The following ARIH1 variants were observed in gnomAD, a reference collection of about 807,000 sequenced individuals.
ARIH1 encodes E3 ubiquitin-protein ligase ARIH1.
A neutral mutation model predicts 85.0 loss-of-function variants in ARIH1; 8 were observed. That is an observed-to-expected ratio of 0.09 (90% CI 0.06 to 0.17). The LOEUF (loss-of-function observed/expected upper bound fraction) is 0.17. Ranked by LOEUF, ARIH1 falls within the 10% of genes least tolerant of loss-of-function variation. The pLI, the probability that ARIH1 is intolerant of heterozygous loss-of-function variation, is 1.00. For missense variants in ARIH1, 311 were observed against 718.1 expected (o/e 0.43, Z 6.48); for synonymous variants, 238 against 253.6 (o/e 0.94, Z 0.59).
intron 3 of ARIH1, among the ~76,000 whole-genome samples, chr15:72,551,826 CAA>C: frequency 6.6e-6 from 1 of 152,156 alleles, no homozygotes; most frequent in Middle Eastern, 3.4e-3. Context: ...CAAAATATAT[CAA>C]GAGAGTATAC....
At chr15:72,511,772 T>G (rs1417974904) in intron 1 of ARIH1, among the ~76,000 whole-genome samples, 1 of 152,190 alleles carries the variant, frequency 6.6e-6, no homozygotes, top group East Asian at 1.9e-4. Flanking sequence ...ATATTGTATT[T>G]GTAAGACTCC....
rs1271721912 is a variant in ARIH1, at chr15:72,597,043, T to G, written c.*13751T>G. 2 of 152,126 alleles carry G rather than the reference T, an allele frequency of 1.3e-5. No individual in the cohort carries two copies. Among genetic ancestry groups the G allele is most frequent in the Non-Finnish European group, 2.9e-5 (2 of 68,026 alleles). The allele number at this position is 152,126 out of a possible 1,614,324, so 9.4% of individuals were successfully genotyped here. A position where few individuals can be genotyped will look rare whatever the true frequency, so the allele number is the denominator to read the frequency against. ...GCTTCTATTGAGCCCTTCCTCTCCC[T>G]TACCATGAATCTTATTTTCTTGCTT... On this transcript the variant is annotated 3_prime_UTR_variant, in exon 14 of 14. Transcript: ENST00000379887.
chr15:72,524,447 C>G (rs146658231), intron 2 of ARIH1, among the ~76,000 whole-genome samples: 1 of 151,934 alleles, frequency 6.6e-6, no homozygotes, highest in Non-Finnish European at 1.5e-5. Context: ...ACTCTGACCT[C>G]AAGTGATCCG....
intron 1 of ARIH1, chr15:72,496,961 C>A: frequency 2.1e-6 from 1 of 479,308 alleles, no homozygotes. Context: ...AAGGGCACAT[C>A]ATTTATCCTA....
Position 72,582,050 on chromosome 15 carries a change from A to G in ARIH1, c.1477-25A>G, listed in dbSNP as rs1595875884. The G allele has an allele frequency of 6.5e-7, 1 of 1,544,350 alleles. No individual in the cohort carries two copies. The highest frequency in any genetic ancestry group is 8.9e-7 in the Non-Finnish European group (1 of 1,124,286). ...ATCTTTTAGCTTTATTTTGAAGCCA[A>G]AATTTACTTTCATTCTTCTTACAGA... is the stretch of plus-strand genomic sequence containing the variant. On this transcript the variant is annotated intron_variant, in intron 12 of 13. Transcript: ENST00000379887. This position sits in a 1 kb window ranked among gnomAD's most constrained non-coding sequence, Gnocchi z 4.6.
Position 72,590,891 on chromosome 15 carries a change from G to A in ARIH1, c.*7599G>A, listed in dbSNP as rs928924937. 5.9e-5 allele frequency: 9 copies of A among 152,154 alleles called. No homozygotes were observed. The highest frequency in any genetic ancestry group is 6.5e-5 in the Admixed American group (1 of 15,274). The allele number at this position is 152,154 out of a possible 1,614,324, so 9.4% of individuals were successfully genotyped here. A position where few individuals can be genotyped will look rare whatever the true frequency, so the allele number is the denominator to read the frequency against. On this transcript the variant is annotated 3_prime_UTR_variant, in exon 14 of 14. Coordinates refer to ENST00000379887, the MANE Select transcript of ARIH1 (RefSeq NM_005744.5). Reference sequence around the variant, plus strand: ...CTGCCTTTAGCCATGGAGTATTCAAGTTTCTTTCAGAATGAGAATTTGGAG... The same window carrying A: ...CTGCCTTTAGCCATGGAGTATTCAAATTTCTTTCAGAATGAGAATTTGGAG...
chr15:72,549,150 T>C (rs1465427658), intron 3 of ARIH1, among the ~76,000 whole-genome samples: 2 of 150,702 alleles, frequency 1.3e-5, no homozygotes, highest in African/African-American at 4.9e-5. Flanking sequence ...TGCAGTGGCA[T>C]GTTCTCGGCT....
intron 11 of ARIH1, among the ~76,000 whole-genome samples, chr15:72,576,641 A>G (rs2064272725): frequency 6.6e-6 from 1 of 151,970 alleles, no homozygotes; most frequent in Non-Finnish European, 1.5e-5. Context: ...GATTTATGGT[A>G]TAATGGTAGA....
At chr15:72,517,429 ATTTTTTTTTTTTTGAGTCAGAG>A (rs973177526) in intron 1 of ARIH1, among the ~76,000 whole-genome samples, 1 of 146,526 alleles carries the variant, frequency 6.8e-6, no homozygotes, top group Non-Finnish European at 1.5e-5. Context: ...TTTAAAACAA[ATTTTTTTTTTTTTGAGTCAGAG>A]TCTTGCCCTG....
intron 3 of ARIH1, among the ~76,000 whole-genome samples, chr15:72,547,797 C>G (rs891769237): frequency 2.0e-5 from 3 of 152,160 alleles, no homozygotes; most frequent in African/African-American, 7.2e-5. Context: ...TTCCTTACTT[C>G]TTGGCGTTTT....
At chr15:72,574,385 A>G (rs1010792951) in intron 11 of ARIH1, among the ~76,000 whole-genome samples, 2 of 152,244 alleles carry the variant, frequency 1.3e-5, no homozygotes. Flanking sequence ...GGATCACACC[A>G]TTGCATGCCT....
intron 10 of ARIH1, 21 bp downstream of exon 10, chr15:72,570,328 G>A (rs200821865): frequency 2.2e-5 from 35 of 1,613,396 alleles, no homozygotes; most frequent in Non-Finnish European, 3.0e-5. Flanking sequence ...GAAATTAAGG[G>A]AAGAATGTGT....
At chr15:72,519,879 G>GT (rs2140412034) in intron 2 of ARIH1, among the ~76,000 whole-genome samples, 1 of 152,162 alleles carries the variant, frequency 6.6e-6, no homozygotes, top group Non-Finnish European at 1.5e-5. Flanking sequence ...AGGAGAAAGA[G>GT]TTTTTATCGT....
intron 2 of ARIH1, among the ~76,000 whole-genome samples, chr15:72,522,009 G>A (rs1329278919): frequency 6.6e-6 from 1 of 151,994 alleles, no homozygotes; most frequent in African/African-American, 2.4e-5. Context: ...CTGCTTTATA[G>A]TCGTATTGAA....
At position 72,572,181 on chromosome 15, in the gene ARIH1, A is replaced by T; in HGVS notation, c.1215+16A>T. 1 of 1,563,084 alleles carries T rather than the reference A, an allele frequency of 6.4e-7. No individual in the cohort carries two copies. On this transcript the variant is annotated intron_variant, in intron 11 of 13. Coordinates refer to ENST00000379887, the MANE Select transcript of ARIH1 (RefSeq NM_005744.5). ...TGCACAGGAGGTAAGTATATGTATA[A>T]CAGGACAATAGTTGACTAAGAATGC...
At chr15:72,507,860 G>A (rs944338431) in intron 1 of ARIH1, among the ~76,000 whole-genome samples, 1 of 152,136 alleles carries the variant, frequency 6.6e-6, no homozygotes, top group Non-Finnish European at 1.5e-5. Flanking sequence ...CAGCTGCTCT[G>A]AGCCTGGAAT....
chr15:72,501,102 A>G (rs1252978209), intron 1 of ARIH1, among the ~76,000 whole-genome samples: 1 of 152,184 alleles, frequency 6.6e-6, no homozygotes, highest in African/African-American at 2.4e-5. Context: ...TTTGAGAATA[A>G]TTGATAGAGA....
At chr15:72,543,286 G>A (rs367571438) in intron 2 of ARIH1, among the ~76,000 whole-genome samples, 13 of 151,978 alleles carry the variant, frequency 8.6e-5, no homozygotes, top group African/African-American at 1.2e-4. Context: ...GAACCTGGGC[G>A]GCAAAGGTTG....
At chr15:72,529,501 T>C (rs1595862398) in intron 2 of ARIH1, among the ~76,000 whole-genome samples, 1 of 152,228 alleles carries the variant, frequency 6.6e-6, no homozygotes, top group South Asian at 2.1e-4. Flanking sequence ...CACTGCACCC[T>C]GCCAGGAATT....
Sources: gnomAD v4.1 joint callset for allele counts (sites outside exome capture counted in the v4.1 genomes callset) on GRCh38, gnomAD v4.1.1 for gene constraint, Gnocchi (gnomAD v3.1) non-coding constraint, MANE v1.5 for transcripts, NCBI Gene and HGNC (gene_info 2026-07-23, HGNC 2026-07-21) for gene names.